Variants in ADGRE2 observed in about 807,000 individuals in gnomAD.
ADGRE2 encodes adhesion G protein-coupled receptor E2, also known as CD97 antigen.
In ADGRE2, 83 loss-of-function variants were observed where a neutral mutation model predicts 100.8. The observed-to-expected ratio is 0.82, with a 90% CI of 0.69 to 0.99. The LOEUF (loss-of-function observed/expected upper bound fraction) is 0.99, where lower values mean the gene tolerates loss of function less well. Ranked by LOEUF, ADGRE2 falls within the 50% of genes least tolerant of loss-of-function variation. The pLI is 0.00. For missense variants in ADGRE2, 814 were observed against 1,035.7 expected (o/e 0.79, Z 2.94); for synonymous variants, 355 against 413.0 (o/e 0.86, Z 1.70).
At chr19:14,760,830 G>T (rs758079634) in intron 11 of ADGRE2, among the ~76,000 whole-genome samples, 1 of 152,088 alleles carries the variant, frequency 6.6e-6, no homozygotes, top group Non-Finnish European at 1.5e-5. Flanking sequence ...AGCTTAATAA[G>T]GAACATTTAC....
At chr19:14,767,723 T>A (rs1362501766) in intron 5 of ADGRE2, among the ~76,000 whole-genome samples, 1 of 152,106 alleles carries the variant, frequency 6.6e-6, no homozygotes, top group Non-Finnish European at 1.5e-5. Context: ...CAGGGTGGGA[T>A]TTTCTTGGGA....
intron 4 of ADGRE2, among the ~76,000 whole-genome samples, chr19:14,773,098 A>AAAAAAAAAAAAAAAAAAAAG (rs1568627146): frequency 1.2e-5 from 1 of 84,128 alleles, no homozygotes; most frequent in African/African-American, 4.7e-5. Flanking sequence ...AAAAAAAAAA[A>AAAAAAAAAAAAAAAAAAAAG]CAAAAAAAAA....
At chr19:14,766,187 G>T in intron 7 of ADGRE2, 48 bp downstream of exon 7, 1 of 1,613,794 alleles carries the variant, frequency 6.2e-7, no homozygotes, top group South Asian at 1.1e-5. Context: ...TTGAACATGT[G>T]ATCAGATGTT....
At chr19:14,738,791 T>C (rs2042835863) in intron 20 of ADGRE2, among the ~76,000 whole-genome samples, 1 of 152,124 alleles carries the variant, frequency 6.6e-6, no homozygotes, top group Admixed American at 6.6e-5. Context: ...CACTTGCTTA[T>C]ATAGTTAGTA....
chr19:14,775,083 A>G (rs1050306144), intron 2 of ADGRE2, among the ~76,000 whole-genome samples: 1 of 150,846 alleles, frequency 6.6e-6, no homozygotes, highest in East Asian at 2.0e-4. Context: ...GCTCACTGCA[A>G]TCTCCACCTC....
At chr19:14,762,707 A>C (rs1054600803) in intron 11 of ADGRE2, among the ~76,000 whole-genome samples, 37 of 152,070 alleles carry the variant, frequency 2.4e-4, no homozygotes, top group Non-Finnish European at 4.3e-4. Context: ...GCAGTGGTGC[A>C]AACTTGGCTC....
rs921721457 is a variant in ADGRE2, at chr19:14,737,188, T to C, written c.2464-944A>G. Among the ~76,000 whole-genome samples the C allele has an allele frequency of 1.1e-4, 17 of 151,162 alleles. No individual in the cohort carries two copies. The Middle Eastern group carries it at 0.01, about 92-fold the overall frequency. On this transcript the variant is annotated intron_variant, in intron 20 of 20. Transcript: ENST00000315576. ...AAAAAAAGAAATTTAAGAAGTCTTT[T>C]TTTTTTTTTTCTTTTTAGAGACAGG...
At chr19:14,776,486 G>T in intron 2 of ADGRE2, 1 of 559,244 alleles carries the variant, frequency 1.8e-6, no homozygotes, top group Admixed American at 3.1e-5. Flanking sequence ...AAAGCTTGAG[G>T]ATCCCTCCGG....
At chr19:14,737,148 C>G (rs528648132) in intron 20 of ADGRE2, among the ~76,000 whole-genome samples, 1 of 148,556 alleles carries the variant, frequency 6.7e-6, no homozygotes, top group African/African-American at 2.5e-5. Flanking sequence ...TGTGTATACA[C>G]AATAAAATTT....
At chr19:14,726,471 T>C in the ADGRE2 span, among the ~76,000 whole-genome samples, 1 of 152,210 alleles carries the variant, frequency 6.6e-6, no homozygotes, top group African/African-American at 2.4e-5. Flanking sequence ...CTTTCCTTCT[T>C]TACCGCATGG....
At position 14,764,585 on chromosome 19, in the gene ADGRE2, A is replaced by G; in HGVS notation, c.932T>C (p.Leu311Pro). The stretch of plus-strand genomic sequence containing the variant: ...CTCCAGGTCCCCAGGGGCCTCCAGC[A>G]GCTCATCCAGCGCCTGTAAGATGCT... Reference protein sequence around the residue: ...IQSILQALDELLEAPGDLETL... With the variant: ...IQSILQALDEPLEAPGDLETL... Residue 311 changes from leucine to proline, a missense_variant, in exon 11 of 21, where the codon CTG (leucine) becomes CCG (proline). Coordinates refer to ENST00000315576, the MANE Select transcript of ADGRE2 (RefSeq NM_013447.4). 1 of 1,612,474 alleles carries G rather than the reference A, an allele frequency of 6.2e-7. No homozygotes were observed. Among genetic ancestry groups the G allele is most frequent in the Non-Finnish European group, 8.5e-7 (1 of 1,179,830 alleles).
At chr19:14,768,069 C>T (rs1263197651) in intron 5 of ADGRE2, among the ~76,000 whole-genome samples, 2 of 152,336 alleles carry the variant, frequency 1.3e-5, no homozygotes, top group East Asian at 3.9e-4. Context: ...TGCATGGCTC[C>T]AGCATCTGCT....
intron 11 of ADGRE2, among the ~76,000 whole-genome samples, chr19:14,757,220 A>G (rs1025098893): frequency 6.6e-6 from 1 of 152,216 alleles, no homozygotes; most frequent in Non-Finnish European, 1.5e-5. Context: ...TGAAAGAAAT[A>G]AAAGGCCCTC....
downstream of ADGRE2, among the ~76,000 whole-genome samples, chr19:14,727,655 G>T (rs1262272306): frequency 6.6e-6 from 1 of 152,180 alleles, no homozygotes; most frequent in African/African-American, 2.4e-5. Flanking sequence ...ACATTTCAGT[G>T]TGAGATTTGG....
At chr19:14,766,205 C>T (rs767092763) in intron 7 of ADGRE2, 30 bp downstream of exon 7, 1 of 1,613,994 alleles carries the variant, frequency 6.2e-7, no homozygotes, top group South Asian at 1.1e-5. Context: ...GTTTGTGGGT[C>T]TCTGGGAACG....
chr19:14,753,959 A>G (rs2335217), intron 14 of ADGRE2, among the ~76,000 whole-genome samples: 64,554 of 152,000 alleles, frequency 0.42, 14,876 homozygotes, highest in African/African-American at 0.6. Context: ...GGGTGTGTCT[A>G]TCAGGGTGTT....
chr19:14,743,409 C>G lies in ADGRE2; in HGVS notation c.2463+11G>C, dbSNP rs750461791. Reference sequence around the variant, plus strand: ...GTTAGTGAAGTGCTCTGGAGCAATGCGTGATCTTACCGTGCTGGGTTTGGA... The same window carrying G: ...GTTAGTGAAGTGCTCTGGAGCAATGGGTGATCTTACCGTGCTGGGTTTGGA... On this transcript the variant is annotated intron_variant, in intron 20 of 20. Coordinates refer to ENST00000315576, the MANE Select transcript of ADGRE2 (RefSeq NM_013447.4). 9 of 1,610,250 alleles carry G rather than the reference C, an allele frequency of 5.6e-6. No homozygotes were observed. The highest frequency in any genetic ancestry group is 1.7e-4 in the Middle Eastern group (1 of 6,056).
intron 15 of ADGRE2, 123 bp downstream of exon 15, chr19:14,752,206 T>G (rs983408894): frequency 8.1e-7 from 1 of 1,240,646 alleles, no homozygotes; most frequent in Non-Finnish European, 1.1e-6. Flanking sequence ...GTGCTGGGAT[T>G]ACAGGCATGA....
At chr19:14,748,554 G>A (rs1050516792) in intron 16 of ADGRE2, among the ~76,000 whole-genome samples, 2 of 152,088 alleles carry the variant, frequency 1.3e-5, no homozygotes, top group Admixed American at 6.6e-5. Context: ...TGATCTGCTC[G>A]CCTCGGCCTC....
Sources: gnomAD v4.1 joint callset for allele counts (sites outside exome capture counted in the v4.1 genomes callset) on GRCh38, gnomAD v4.1.1 for gene constraint, MANE v1.5 for transcripts, NCBI Gene and HGNC (gene_info 2026-07-23, HGNC 2026-07-21) for gene names.